CACNB2: variants seen among roughly 807,000 people sequenced by gnomAD.
The protein encoded by CACNB2 is voltage-dependent L-type calcium channel subunit beta-2.
A neutral mutation model predicts 73.3 loss-of-function variants in CACNB2; 42 were observed. The observed-to-expected ratio is 0.57, with a 90% CI of 0.45 to 0.74. CACNB2 has a LOEUF of 0.74. Ranked by LOEUF, CACNB2 falls within the 30% of genes least tolerant of loss-of-function variation. The pLI, the probability that CACNB2 is intolerant of heterozygous loss-of-function variation, is 0.00. For synonymous variants in CACNB2, 348 were observed against 310.3 expected (o/e 1.12, Z -1.28); for missense variants, 940 against 853.0 (o/e 1.10, Z -1.27).
chr10:18,367,488 A>G (rs1279017900), intron 2 of CACNB2, among the ~76,000 whole-genome samples: 1 of 152,206 alleles, frequency 6.6e-6, no homozygotes, highest in African/African-American at 2.4e-5. Flanking sequence ...AAGTAATTGA[A>G]TTGAGAATTG....
At chr10:18,228,484 T>C (rs1379098945) in intron 2 of CACNB2, among the ~76,000 whole-genome samples, 1 of 106,806 alleles carries the variant, frequency 9.4e-6, no homozygotes, top group Non-Finnish European at 2.2e-5. Flanking sequence ...CATAATACAT[T>C]GTTTTTAGGC....
At chr10:18,447,443 G>C (rs905881806) in intron 3 of CACNB2, among the ~76,000 whole-genome samples, 1 of 152,152 alleles carries the variant, frequency 6.6e-6, no homozygotes, top group African/African-American at 2.4e-5. Context: ...GCGAATGACA[G>C]AATGTTGGGA....
intron 2 of CACNB2, among the ~76,000 whole-genome samples, chr10:18,224,722 G>T (rs756301072): frequency 1.3e-5 from 2 of 152,170 alleles, no homozygotes; most frequent in Non-Finnish European, 2.9e-5. Flanking sequence ...GTTTGTGGGA[G>T]TTCAGTCCAA....
chr10:18,347,323 G>A (rs1159645838), intron 2 of CACNB2, among the ~76,000 whole-genome samples: 2 of 148,882 alleles, frequency 1.3e-5, no homozygotes, highest in South Asian at 2.1e-4. Flanking sequence ...GACTACAGGC[G>A]CATGCCGCCA....
chr10:18,238,428 A>G (rs1443279528), intron 2 of CACNB2: 3 of 152,198 alleles, frequency 2.0e-5, no homozygotes, highest in African/African-American at 4.8e-5. Context: ...TTTTCTTATC[A>G]GAAACACACT....
At chr10:18,410,904 C>T (rs1000110356) in intron 3 of CACNB2, among the ~76,000 whole-genome samples, 4 of 152,028 alleles carry the variant, frequency 2.6e-5, no homozygotes, top group African/African-American at 9.7e-5. Context: ...CACTGGAACC[C>T]AGGAGGCAGA....
intron 2 of CACNB2, among the ~76,000 whole-genome samples, chr10:18,335,810 CACACACACACACACAT>C (rs2040981779): frequency 2.0e-5 from 3 of 151,702 alleles, no homozygotes; most frequent in African/African-American, 4.8e-5. Context: ...CACACACACA[CACACACACACACACAT>C]ACACACACAG....
chr10:18,511,543 C>G (rs1465177289), intron 6 of CACNB2, among the ~76,000 whole-genome samples: 1 of 152,192 alleles, frequency 6.6e-6, no homozygotes, highest in Non-Finnish European at 1.5e-5. Context: ...ACCAAGTTGT[C>G]TGTTATTTCA....
At chr10:18,349,051 T>C (rs750883290) in intron 2 of CACNB2, among the ~76,000 whole-genome samples, 8 of 152,206 alleles carry the variant, frequency 5.3e-5, no homozygotes, top group African/African-American at 9.6e-5. Context: ...CTCCCGGAAG[T>C]TGAGGCTGCA....
At chr10:18,233,377 A>AT (rs890975411) in intron 2 of CACNB2, among the ~76,000 whole-genome samples, 22 of 151,420 alleles carry the variant, frequency 1.5e-4, no homozygotes, top group African/African-American at 2.9e-4. Context: ...TTAACTGGTA[A>AT]TTTTTTTTTA....
intron 9 of CACNB2, 48 bp from the exon 10 acceptor site, chr10:18,527,540 G>A (rs372339710): frequency 1.6e-6 from 2 of 1,216,408 alleles, no homozygotes; most frequent in African/African-American, 1.5e-5. Context: ...TATCCCCTTT[G>A]ATTAGACCAA....
At chr10:18,235,628 C>T (rs945351652) in intron 2 of CACNB2, among the ~76,000 whole-genome samples, 17 of 152,160 alleles carry the variant, frequency 1.1e-4, no homozygotes, top group African/African-American at 4.1e-4. Context: ...GCTGTTCAGG[C>T]TCGGGGCTGC....
Position 18,541,243 on chromosome 10 carries a change from T to G in CACNB2, c.*1519T>G, listed in dbSNP as rs991957947. The G allele has an allele frequency of 6.5e-6, 1 of 152,678 alleles. No individual in the cohort carries two copies. Among genetic ancestry groups the G allele is most frequent in the Non-Finnish European group, 1.5e-5 (1 of 68,046 alleles). 9.5% of individuals were successfully genotyped at this position (152,678 alleles called of 1,614,324 possible). ...AGAAGTGCTTCTTATAACCAAAGTTTCTGTTCTTCAGAAGAAATCAGGGCA... is the reference window on the plus strand; with the variant it reads ...AGAAGTGCTTCTTATAACCAAAGTTGCTGTTCTTCAGAAGAAATCAGGGCA... On this transcript the variant is annotated 3_prime_UTR_variant, in exon 14 of 14. Transcript: ENST00000324631.
chr10:18,179,374 TA>T (rs1163599516), intron 2 of CACNB2, among the ~76,000 whole-genome samples: 6 of 152,176 alleles, frequency 3.9e-5, no homozygotes, highest in African/African-American at 1.2e-4. Flanking sequence ...GTGAGTCAGT[TA>T]CCCTGCTCTT....
At chr10:18,208,478 G>A (rs2035186519) in intron 2 of CACNB2, among the ~76,000 whole-genome samples, 1 of 151,996 alleles carries the variant, frequency 6.6e-6, no homozygotes, top group Admixed American at 6.6e-5. Flanking sequence ...GGGGTGTGGT[G>A]GTGCACACCT....
At chr10:18,365,249 T>C (rs1002729137) in intron 2 of CACNB2, among the ~76,000 whole-genome samples, 2 of 152,234 alleles carry the variant, frequency 1.3e-5, no homozygotes, top group African/African-American at 4.8e-5. Flanking sequence ...GTTTTCAGCA[T>C]GCAATCAAGC....
chr10:18,521,571 T>A (rs1384194992), intron 9 of CACNB2, among the ~76,000 whole-genome samples: 1 of 152,198 alleles, frequency 6.6e-6, no homozygotes, highest in East Asian at 1.9e-4. Context: ...ATTGAGTATA[T>A]TCTATGTGCC....
intron 3 of CACNB2, among the ~76,000 whole-genome samples, chr10:18,462,345 C>G (rs749751783): frequency 4.4e-4 from 67 of 152,184 alleles, no homozygotes; most frequent in Non-Finnish European, 8.8e-4. Context: ...GCCTTGAACT[C>G]CTGGGCTCAA....
intron 2 of CACNB2, among the ~76,000 whole-genome samples, chr10:18,321,034 T>G (rs1374068018): frequency 1.3e-5 from 2 of 152,222 alleles, no homozygotes; most frequent in Admixed American, 1.3e-4. Context: ...AATCCTTTAT[T>G]TCACACACCA....
Sources: gnomAD v4.1 joint callset for allele counts (sites outside exome capture counted in the v4.1 genomes callset) on GRCh38, gnomAD v4.1.1 for gene constraint, MANE v1.5 for transcripts, NCBI Gene and HGNC (gene_info 2026-07-23, HGNC 2026-07-21) for gene names.